SPTY2D1: variants seen among roughly 807,000 people sequenced by gnomAD.
SPTY2D1 encodes protein SPT2 homolog.
A neutral mutation model predicts 64.0 loss-of-function variants in SPTY2D1; 21 were observed. That is an observed-to-expected ratio of 0.33 (90% CI 0.23 to 0.47). The LOEUF is 0.47. Among genes scored for constraint, SPTY2D1 ranks in the 20% least tolerant of loss-of-function variants. The pLI is 1.00. For missense variants in SPTY2D1, 724 were observed against 837.2 expected, an observed-to-expected ratio of 0.86 and a Z score of 1.67; for synonymous variants, 287 against 286.8, an observed-to-expected ratio of 1.00 and a Z score of -0.01.
Position 18,612,250 on chromosome 11 carries a change from A to G in SPTY2D1, c.1886+64T>C. The G allele has an allele frequency of 7.3e-7, 1 of 1,370,116 alleles. No homozygotes were observed. The highest frequency in any genetic ancestry group is 9.9e-7 in the Non-Finnish European group (1 of 1,010,144). 84.9% of individuals were successfully genotyped at this position (1,370,116 alleles called of 1,614,324 possible). A position where few individuals can be genotyped will look rare whatever the true frequency, so the allele number is the denominator to read the frequency against. On this transcript the variant is annotated intron_variant, in intron 4 of 5. Coordinates refer to ENST00000336349, the MANE Select transcript of SPTY2D1 (RefSeq NM_194285.3). The surrounding 1 kb of genome is among the most constrained non-coding windows in gnomAD (Gnocchi z 4.6). Reference sequence around the variant, plus strand: ...GCCTCCACTATTAGTTTATTACCCCATGACATGAATTATTCAAAATAAAAA... The same window carrying G: ...GCCTCCACTATTAGTTTATTACCCCGTGACATGAATTATTCAAAATAAAAA...
chr11:18,616,274 G>A (rs1381492144), intron 2 of SPTY2D1, among the ~76,000 whole-genome samples, 176 bp from the exon 3 acceptor site: 3 of 152,158 alleles, frequency 2.0e-5, no homozygotes, highest in Non-Finnish European at 2.9e-5. Context: ...AGACATATGG[G>A]TTTTTCTATA....
intron 3 of SPTY2D1, among the ~76,000 whole-genome samples, chr11:18,614,252 A>G (rs1451318616): frequency 2.6e-5 from 4 of 152,100 alleles, no homozygotes; most frequent in African/African-American, 9.7e-5. Flanking sequence ...CTGAAACCCC[A>G]TCTCTATAAA....
rs1008144336 is a variant in SPTY2D1 at position 18,616,734 on chromosome 11, C to G, written c.175+141G>C. 86 of 2,740 alleles carry G rather than the reference C, an allele frequency of 0.031. No individual in the cohort carries two copies. In the East Asian group the frequency reaches 0.38, roughly 12 times the overall value. The allele number at this position is 2,740 out of a possible 1,614,324, so 0.2% of individuals were successfully genotyped here. The stretch of plus-strand genomic sequence containing the variant: ...CATGAATACAGTCAGTTAACCTGGA[C>G]ACACACACACACACACACACACACA... On this transcript the variant is annotated intron_variant, in intron 2 of 5. Coordinates refer to ENST00000336349, the MANE Select transcript of SPTY2D1 (RefSeq NM_194285.3).
chr11:18,609,781 T>C lies in SPTY2D1; in HGVS notation c.*80A>G, dbSNP rs1364952001. ...GTACCCAAGTATAAATCTAAAATGA[T>C]AAGGGGGCTTCTTCAGTCTGAAGGC... is the stretch of plus-strand genomic sequence containing the variant. On this transcript the variant is annotated 3_prime_UTR_variant, in exon 6 of 6. Coordinates refer to ENST00000336349, the MANE Select transcript of SPTY2D1 (RefSeq NM_194285.3). 1.6e-6 allele frequency: 2 copies of C among 1,279,668 alleles called. No individual in the cohort carries two copies. Among genetic ancestry groups the C allele is most frequent in the Non-Finnish European group, 2.2e-6 (2 of 894,426 alleles). The allele number at this position is 1,279,668 out of a possible 1,614,324, so 79.3% of individuals were successfully genotyped here.
intron 1 of SPTY2D1, among the ~76,000 whole-genome samples, chr11:18,633,792 C>T (rs1228653591): frequency 1.3e-5 from 2 of 152,152 alleles, no homozygotes; most frequent in Non-Finnish European, 2.9e-5. Flanking sequence ...GCTATCAAGC[C>T]AAGGACCCCA....
intron 1 of SPTY2D1, among the ~76,000 whole-genome samples, chr11:18,617,326 G>A (rs910876927): frequency 6.6e-6 from 1 of 152,132 alleles, no homozygotes; most frequent in Non-Finnish European, 1.5e-5. Flanking sequence ...GATTATTTGT[G>A]TTTTAAAATT....
chr11:18,630,642 A>G (rs1427301155), intron 1 of SPTY2D1, among the ~76,000 whole-genome samples: 1 of 152,184 alleles, frequency 6.6e-6, no homozygotes, highest in Non-Finnish European at 1.5e-5. Context: ...ATAGGTTCCA[A>G]ATGAAGGTGG....
rs576915487 is a variant in SPTY2D1, at chr11:18,615,307, T to C, written c.967A>G (p.Ser323Gly). The change falls in exon 3 of 6, where the codon AGT (serine) becomes GGT (glycine). Residue 323 changes from serine (S) to glycine (G), a missense_variant. Physicochemically the swap from Ser to Gly is moderately conservative, Grantham distance 56 (BLOSUM62 0). Coordinates refer to ENST00000336349, the MANE Select transcript of SPTY2D1 (RefSeq NM_194285.3). ...GKPHSSTSSP[S>G]VPKTSASRTQ... ...CTGCTAGCAGAAGTCTTTGGGACAC[T>C]TGGTGAAGAGGTGCTGGAATGAGGC... is the stretch of plus-strand genomic sequence containing the variant. 1.9e-6 allele frequency: 3 copies of C among 1,614,180 alleles called. No individual in the cohort carries two copies. The highest frequency in any genetic ancestry group is 1.1e-5 in the South Asian group (1 of 91,090).
At position 18,607,560 on chromosome 11, in the gene SPTY2D1, G is replaced by C. The variant is rs1452282416; in HGVS notation, c.*2301C>G. ...CAGTAGAGAATACATTAAAAATCAA[G>C]CATTTAATTTGTAAACCTTAATGAA... On this transcript the variant is annotated 3_prime_UTR_variant, in exon 6 of 6. Coordinates refer to ENST00000336349, the MANE Select transcript of SPTY2D1 (RefSeq NM_194285.3). 1 of 152,514 alleles carries C rather than the reference G, an allele frequency of 6.6e-6. No homozygotes were observed. Among genetic ancestry groups the C allele is most frequent in the Non-Finnish European group, 1.5e-5 (1 of 68,024 alleles). The allele number at this position is 152,514 out of a possible 1,614,324, so 9.4% of individuals were successfully genotyped here.
chr11:18,623,313 C>T (rs564602967), intron 1 of SPTY2D1, among the ~76,000 whole-genome samples: 1 of 152,288 alleles, frequency 6.6e-6, no homozygotes, highest in East Asian at 1.9e-4. Context: ...ATCATTCTCC[C>T]AAAAAATCTC....
chr11:18,631,278 A>C (rs1854583128), intron 1 of SPTY2D1, among the ~76,000 whole-genome samples: 1 of 152,238 alleles, frequency 6.6e-6, no homozygotes, highest in Non-Finnish European at 1.5e-5. Context: ...GAAGTCAAGA[A>C]ACATTTCAAG....
chr11:18,620,259 G>C (rs1854372100), intron 1 of SPTY2D1, among the ~76,000 whole-genome samples: 1 of 152,112 alleles, frequency 6.6e-6, no homozygotes, highest in South Asian at 2.1e-4. Context: ...CAGATCACTT[G>C]AGGTCAGGGG....
rs1854145125 is a variant in SPTY2D1, at chr11:18,608,640, A to C, written c.*1221T>G. ...TGAGACTTGGCTTCCTTCCAGCATG[A>C]TCCTAAGTCAGCCTGATTGGAACTG... On this transcript the variant is annotated 3_prime_UTR_variant, in exon 6 of 6. Transcript: ENST00000336349. 1 of 152,198 alleles carries C rather than the reference A, an allele frequency of 6.6e-6. No homozygotes were observed. Among genetic ancestry groups the C allele is most frequent in the Non-Finnish European group, 1.5e-5 (1 of 68,032 alleles). The allele number at this position is 152,198 out of a possible 1,614,324, so 9.4% of individuals were successfully genotyped here. A position where few individuals can be genotyped will look rare whatever the true frequency, so the allele number is the denominator to read the frequency against.
rs547606485 is a variant in SPTY2D1 at position 18,609,841 on chromosome 11, C to A, written c.*20G>T. The A allele has an allele frequency of 6.2e-7, 1 of 1,612,576 alleles. No homozygotes were observed. Among genetic ancestry groups the A allele is most frequent in the East Asian group, 2.2e-5 (1 of 44,880 alleles). ...TTGCAGCAGAGCAGCTCTAGAATTT[C>A]ACAAAAATAAAAGCAGCAGCTAACG... is the stretch of plus-strand genomic sequence containing the variant. On this transcript the variant is annotated 3_prime_UTR_variant, in exon 6 of 6. Coordinates refer to ENST00000336349, the MANE Select transcript of SPTY2D1 (RefSeq NM_194285.3).
chr11:18,631,660 A>C (rs1255039662), intron 1 of SPTY2D1, among the ~76,000 whole-genome samples: 1 of 148,424 alleles, frequency 6.7e-6, no homozygotes, highest in Non-Finnish European at 1.5e-5. Context: ...TGGCAAAAAA[A>C]GAAAAAAAGC....
chr11:18,617,625 CAAA>C (rs71050616), intron 1 of SPTY2D1, among the ~76,000 whole-genome samples: 1,291 of 66,354 alleles, frequency 0.019, 7 homozygotes, highest in Non-Finnish European at 0.025. Flanking sequence ...GACTCCGTCT[CAAA>C]AAAAAAAAAA....
chr11:18,628,300 T>G (rs1854531434), intron 1 of SPTY2D1, among the ~76,000 whole-genome samples: 1 of 152,236 alleles, frequency 6.6e-6, no homozygotes. Context: ...CTGTGAACAT[T>G]TGTGTACAAG....
At chr11:18,628,338 C>T (rs1854532523) in intron 1 of SPTY2D1, among the ~76,000 whole-genome samples, 1 of 152,172 alleles carries the variant, frequency 6.6e-6, no homozygotes, top group South Asian at 2.1e-4. Flanking sequence ...GTTTTCCTTT[C>T]TCTTAGGCAT....
intron 5 of SPTY2D1, among the ~76,000 whole-genome samples, chr11:18,610,766 C>G (rs955345177): frequency 6.7e-6 from 1 of 149,750 alleles, no homozygotes; most frequent in African/African-American, 2.5e-5. Flanking sequence ...GATAGCCAAA[C>G]AGAAATCAGA....
Sources: allele counts gnomAD v4.1 joint callset (sites outside exome capture counted in the v4.1 genomes callset), GRCh38; gene constraint gnomAD v4.1.1; non-coding constraint Gnocchi (gnomAD v3.1); transcripts MANE v1.5; gene names NCBI Gene and HGNC (gene_info 2026-07-23, HGNC 2026-07-21).